The following GALNT13 variants were observed in gnomAD, a reference collection of about 807,000 sequenced individuals.
GALNT13 encodes UDP-GalNAc:polypeptide N-acetylgalactosaminyltransferase 13.
GALNT13 carries 28 observed loss-of-function variants against 64.2 expected under a neutral mutation model. The ratio of observed to expected loss-of-function variants is 0.44; its 90% CI spans 0.32 to 0.60. The LOEUF (loss-of-function observed/expected upper bound fraction) is 0.60. GALNT13 is among the 20% of genes least tolerant of loss of function. The pLI is 0.05. For synonymous variants in GALNT13, 214 were observed against 224.6 expected (o/e 0.95, Z 0.42); for missense variants, 577 against 669.8 (o/e 0.86, Z 1.53).
At chr2:154,017,925 T>C (rs1697117663) in intron 3 of GALNT13, among the ~76,000 whole-genome samples, 2 of 152,192 alleles carry the variant, frequency 1.3e-5, no homozygotes, top group South Asian at 4.1e-4. Flanking sequence ...TCAGTTTAGG[T>C]GGAAATAGTT....
the GALNT13 span, among the ~76,000 whole-genome samples, chr2:153,555,231 G>T: frequency 9.1e-6 from 1 of 109,410 alleles, no homozygotes; most frequent in Non-Finnish European, 1.7e-5. Context: ...GTCTTGCTCT[G>T]TCACCCAGGC....
chr2:154,278,414 A>G (rs896553100), intron 8 of GALNT13, among the ~76,000 whole-genome samples: 1 of 152,128 alleles, frequency 6.6e-6, no homozygotes, highest in Non-Finnish European at 1.5e-5. Flanking sequence ...AAAGTTATGG[A>G]AAGTTAAAGA....
At chr2:153,113,919 T>C in the GALNT13 span, among the ~76,000 whole-genome samples, 1 of 152,110 alleles carries the variant, frequency 6.6e-6, no homozygotes, top group Non-Finnish European at 1.5e-5. Flanking sequence ...CATTACATCT[T>C]ATTTAATAGA....
chr2:154,028,484 G>T (rs186353076), intron 3 of GALNT13, among the ~76,000 whole-genome samples: 3 of 152,104 alleles, frequency 2.0e-5, no homozygotes, highest in Admixed American at 6.5e-5. Flanking sequence ...TCTACTTAAA[G>T]ATGCACTTTT....
the GALNT13 span, among the ~76,000 whole-genome samples, chr2:153,631,520 A>T: frequency 6.6e-6 from 1 of 152,126 alleles, no homozygotes; most frequent in South Asian, 2.1e-4. Flanking sequence ...GTGTGAAATG[A>T]TATCTCATTG....
chr2:153,628,702 G>C, the GALNT13 span, among the ~76,000 whole-genome samples: 1 of 152,124 alleles, frequency 6.6e-6, no homozygotes, highest in East Asian at 1.9e-4. Flanking sequence ...AAGCCCACTT[G>C]GTCATGGTGA....
intron 3 of GALNT13, among the ~76,000 whole-genome samples, chr2:154,067,526 TAAG>T (rs71396383): frequency 0.19 from 28,623 of 151,814 alleles, 3,353 homozygotes; most frequent in Non-Finnish European, 0.26. Flanking sequence ...GACAAAACTA[TAAG>T]AAGAGACAAA....
At chr2:154,194,987 C>T (rs1317421977) in intron 4 of GALNT13, among the ~76,000 whole-genome samples, 1 of 151,804 alleles carries the variant, frequency 6.6e-6, no homozygotes, top group African/African-American at 2.4e-5. Flanking sequence ...TTAAGCCCCA[C>T]GTGCATTAGG....
the GALNT13 span, among the ~76,000 whole-genome samples, chr2:153,845,803 CTTTTG>C: frequency 6.6e-6 from 1 of 151,932 alleles, no homozygotes; most frequent in Non-Finnish European, 1.5e-5. Flanking sequence ...AAGTACCATA[CTTTTG>C]TATATCACAA....
At chr2:153,572,297 TTC>T in the GALNT13 span, among the ~76,000 whole-genome samples, 4 of 151,744 alleles carry the variant, frequency 2.6e-5, no homozygotes, top group Admixed American at 2.0e-4. Context: ...TGTCTCCTTT[TTC>T]TCTCTGTTTT....
At chr2:154,427,405 A>G (rs1700520407) in intron 11 of GALNT13, among the ~76,000 whole-genome samples, 2 of 152,206 alleles carry the variant, frequency 1.3e-5, no homozygotes, top group Non-Finnish European at 2.9e-5. Context: ...AAAACTGAAG[A>G]ATGTATGAAG....
chr2:154,002,110 A>G (rs1053032228), intron 3 of GALNT13, among the ~76,000 whole-genome samples: 45 of 151,956 alleles, frequency 3.0e-4, no homozygotes, highest in African/African-American at 1.0e-3. Flanking sequence ...TTTGTCTTCA[A>G]TTTTTAATAA....
At chr2:154,154,396 G>T (rs1255641141) in intron 4 of GALNT13, among the ~76,000 whole-genome samples, 6 of 152,136 alleles carry the variant, frequency 3.9e-5, no homozygotes, top group African/African-American at 1.4e-4. Context: ...GGCCTGCAGA[G>T]GATGATGAAG....
chr2:153,354,103 A>G, the GALNT13 span: 10 of 152,212 alleles, frequency 6.6e-5, no homozygotes, highest in South Asian at 4.1e-4. Context: ...CAGAGTGTCT[A>G]TTGCTTTTTG....
chr2:153,345,739 T>G, the GALNT13 span, among the ~76,000 whole-genome samples: 5 of 143,296 alleles, frequency 3.5e-5, no homozygotes, highest in African/African-American at 5.2e-5. Context: ...CCTTCCTTCC[T>G]TCCTTCCTTC....
At chr2:153,533,136 C>T in the GALNT13 span, among the ~76,000 whole-genome samples, 1 of 151,922 alleles carries the variant, frequency 6.6e-6, no homozygotes, top group Non-Finnish European at 1.5e-5. Flanking sequence ...TTCCTTTAGC[C>T]TTCTTTAAAA....
chr2:153,273,449 T>C, the GALNT13 span, among the ~76,000 whole-genome samples: 1 of 152,212 alleles, frequency 6.6e-6, no homozygotes, highest in Non-Finnish European at 1.5e-5. Flanking sequence ...GTCTTTAGAA[T>C]AATGCTTCTT....
chr2:153,970,872 A>G (rs976208520), intron 3 of GALNT13, among the ~76,000 whole-genome samples: 2 of 152,160 alleles, frequency 1.3e-5, no homozygotes, highest in Non-Finnish European at 1.5e-5. Flanking sequence ...TTTAAAGTAT[A>G]TTTAGAATTC....
At chr2:154,145,090 A>ATC (rs199930258) in intron 4 of GALNT13, among the ~76,000 whole-genome samples, 1 of 120,566 alleles carries the variant, frequency 8.3e-6, no homozygotes, top group Non-Finnish European at 1.9e-5. Context: ...CTATCTATCT[A>ATC]TCTATCTATC....
Sources: gnomAD v4.1 joint callset for allele counts (sites outside exome capture counted in the v4.1 genomes callset) on GRCh38, gnomAD v4.1.1 for gene constraint, MANE v1.5 for transcripts, NCBI Gene and HGNC (gene_info 2026-07-23, HGNC 2026-07-21) for gene names.